FAM78B: variants seen among roughly 807,000 people sequenced by gnomAD.
FAM78B encodes protein FAM78B.
In FAM78B, 10 loss-of-function variants were observed where a neutral mutation model predicts 20.0. The ratio of observed to expected loss-of-function variants is 0.50; its 90% CI spans 0.31 to 0.85. The LOEUF is 0.85. Among genes scored for constraint, FAM78B ranks in the 40% least tolerant of loss-of-function variants. The probability of loss-of-function intolerance (pLI) is 0.05; values close to 1 mark genes in which losing one functional copy is unlikely to be tolerated. For missense variants in FAM78B, 283 were observed against 345.0 expected, an observed-to-expected ratio of 0.82 and a Z score of 1.42; for synonymous variants, 135 against 132.8, an observed-to-expected ratio of 1.02 and a Z score of -0.12.
intron 1 of FAM78B, among the ~76,000 whole-genome samples, chr1:166,160,453 G>C (rs1183782609): frequency 6.6e-6 from 1 of 152,248 alleles, no homozygotes; most frequent in Non-Finnish European, 1.5e-5. Flanking sequence ...ACCACTCCCA[G>C]TGTACAGAAC....
At chr1:166,165,636 C>T (rs1203254709) in intron 1 of FAM78B, among the ~76,000 whole-genome samples, 1 of 152,086 alleles carries the variant, frequency 6.6e-6, no homozygotes, top group East Asian at 1.9e-4. Flanking sequence ...TCCCGGGGAG[C>T]CCCACAAAGC....
chr1:166,107,250 T>C (rs925289428), intron 1 of FAM78B, among the ~76,000 whole-genome samples: 4 of 152,022 alleles, frequency 2.6e-5, no homozygotes, highest in African/African-American at 7.2e-5. Flanking sequence ...TGATAGACCA[T>C]TGGCAAGATT....
At chr1:166,161,256 C>T (rs1252979646) in intron 1 of FAM78B, among the ~76,000 whole-genome samples, 3 of 151,880 alleles carry the variant, frequency 2.0e-5, no homozygotes, top group African/African-American at 4.8e-5. Flanking sequence ...AAGCAATTCT[C>T]GTGCCTCAGC....
chr1:166,095,364 C>G (rs1653239122), intron 1 of FAM78B, among the ~76,000 whole-genome samples: 1 of 151,932 alleles, frequency 6.6e-6, no homozygotes, highest in Non-Finnish European at 1.5e-5. Flanking sequence ...ACAGTCTGGA[C>G]AGGTTTAAAG....
intron 1 of FAM78B, 70 bp downstream of exon 1, chr1:166,165,916 G>A: frequency 6.3e-7 from 1 of 1,581,416 alleles, no homozygotes; most frequent in East Asian, 2.2e-5. Flanking sequence ...GAGCTGGGGA[G>A]GGGGGTCAAG....
At chr1:166,165,581 C>T (rs1004235969) in intron 1 of FAM78B, among the ~76,000 whole-genome samples, 1 of 152,106 alleles carries the variant, frequency 6.6e-6, no homozygotes, top group African/African-American at 2.4e-5. Flanking sequence ...AGCCCATGCG[C>T]CCCCGGCACT....
intron 1 of FAM78B, among the ~76,000 whole-genome samples, chr1:166,104,496 T>C (rs1653680482): frequency 6.6e-6 from 1 of 152,208 alleles, no homozygotes; most frequent in South Asian, 2.1e-4. Flanking sequence ...GATAAGCAAC[T>C]TTAGCAAAGT....
downstream of FAM78B, among the ~76,000 whole-genome samples, chr1:166,056,734 G>A (rs1207834356): frequency 5.3e-5 from 8 of 152,314 alleles, no homozygotes; most frequent in Admixed American, 6.5e-5. Flanking sequence ...ATGGTAGTAC[G>A]AAAGAGATGG....
In FAM78B at chr1:166,062,085, C is replaced by T. The variant is rs565620476; in HGVS notation, c.*410-1422G>A. On this transcript the variant is annotated intron_variant and NMD_transcript_variant, in intron 2 of 2. Transcript: ENST00000435676. Reference sequence around the variant, plus strand: ...CACGTTTGGATTCTATCAGTTTTCTCTAAGGCAAGGCACAGAGGCTCAGAG... The same window carrying T: ...CACGTTTGGATTCTATCAGTTTTCTTTAAGGCAAGGCACAGAGGCTCAGAG... 2.6e-5 allele frequency among the ~76,000 whole-genome samples: 4 copies of T among 152,310 alleles called. No homozygotes were observed. The South Asian group carries it at 8.3e-4, about 32-fold the overall frequency.
intron 1 of FAM78B, among the ~76,000 whole-genome samples, chr1:166,114,090 C>T (rs10753709): frequency 0.19 from 29,676 of 152,208 alleles, 3,292 homozygotes; most frequent in East Asian, 0.37. Context: ...AATTATCCTT[C>T]CACTGTTCAG....
chr1:166,114,702 C>T (rs568610794), intron 1 of FAM78B, among the ~76,000 whole-genome samples: 57 of 152,306 alleles, frequency 3.7e-4, no homozygotes, highest in African/African-American at 1.4e-3. Flanking sequence ...CTAGTTACCT[C>T]AGAGGACACG....
chr1:166,159,866 A>T (rs1195892564), intron 1 of FAM78B, among the ~76,000 whole-genome samples: 1 of 152,186 alleles, frequency 6.6e-6, no homozygotes, highest in Non-Finnish European at 1.5e-5. Context: ...AAGACCAGTT[A>T]ATCCTCTGCT....
At chr1:166,130,250 C>T (rs558993282) in intron 1 of FAM78B, among the ~76,000 whole-genome samples, 3 of 152,198 alleles carry the variant, frequency 2.0e-5, no homozygotes, top group Non-Finnish European at 2.9e-5. Context: ...TTACCTGAAT[C>T]GCATGATGTG....
chr1:166,141,991 C>T (rs1655297086), intron 1 of FAM78B, among the ~76,000 whole-genome samples: 1 of 152,116 alleles, frequency 6.6e-6, no homozygotes, highest in Non-Finnish European at 1.5e-5. Flanking sequence ...CTCTCCTGGT[C>T]TTGGAAGGGC....
chr1:166,109,828 ATATGTATATATG>A (rs369097847), intron 1 of FAM78B, among the ~76,000 whole-genome samples: 1,771 of 18,782 alleles, frequency 0.094, 257 homozygotes, highest in African/African-American at 0.26. Flanking sequence ...ATATATATAT[ATATGTATATATG>A]TATATATATA....
chr1:166,086,418 G>C (rs1221307500), intron 1 of FAM78B, among the ~76,000 whole-genome samples: 1 of 152,136 alleles, frequency 6.6e-6, no homozygotes, highest in African/African-American at 2.4e-5. Flanking sequence ...CGCTGGGCAG[G>C]GTAAGGGTGG....
Position 166,154,888 on chromosome 1 carries a change from G to A in FAM78B, c.263+11098C>T, listed in dbSNP as rs140624224. On this transcript the variant is annotated intron_variant, in intron 1 of 1. Transcript: ENST00000354422. ...ATTTCCCGCACCATCCTAACACCCTGTAAGTTAAAAATGATTCTGTTGATC... is the reference window on the plus strand; with the variant it reads ...ATTTCCCGCACCATCCTAACACCCTATAAGTTAAAAATGATTCTGTTGATC... 389 of 467,238 alleles carry A rather than the reference G, an allele frequency of 8.3e-4. 1 individual carries two copies. Among genetic ancestry groups the A allele is most frequent in the Non-Finnish European group, 1.5e-3 (339 of 224,178 alleles). The allele number at this position is 467,238 out of a possible 1,614,324, so 28.9% of individuals were successfully genotyped here.
At chr1:166,059,787 G>A (rs1651504737) in exon 3 of FAM78B, 2 of 152,160 alleles carry the variant, frequency 1.3e-5, no homozygotes, top group African/African-American at 4.8e-5. Flanking sequence ...TGGCTGAGGT[G>A]GAGGTGTTTG....
At chr1:166,061,652 C>T (rs1651604034) in intron 2 of FAM78B, among the ~76,000 whole-genome samples, 1 of 152,208 alleles carries the variant, frequency 6.6e-6, no homozygotes. Flanking sequence ...AGAAGCCATT[C>T]TAGAAAGTGT....
Sources: gnomAD v4.1 joint callset for allele counts (sites outside exome capture counted in the v4.1 genomes callset) on GRCh38, gnomAD v4.1.1 for gene constraint, MANE v1.5 for transcripts, NCBI Gene and HGNC (gene_info 2026-07-23, HGNC 2026-07-21) for gene names.